AGBL1: variants seen among roughly 807,000 people sequenced by gnomAD.
AGBL1 encodes cytosolic carboxypeptidase 4.
In AGBL1, 130 loss-of-function variants were observed where a neutral mutation model predicts 118.9. The ratio of observed to expected loss-of-function variants is 1.09; its 90% CI spans 0.95 to 1.26. AGBL1 has a LOEUF of 1.26. AGBL1 is among the 50% of genes most tolerant of loss of function. The pLI, the probability that AGBL1 is intolerant of heterozygous loss-of-function variation, is 0.00. For synonymous variants in AGBL1, 555 were observed against 478.9 expected, an observed-to-expected ratio of 1.16 and a Z score of -2.08; for missense variants, 1,584 against 1,298.1, an observed-to-expected ratio of 1.22 and a Z score of -3.38.
At chr15:86,799,851 CA>C (rs1156997685) in intron 22 of AGBL1, among the ~76,000 whole-genome samples, 6 of 152,034 alleles carry the variant, frequency 3.9e-5, no homozygotes, top group Non-Finnish European at 7.4e-5. Context: ...TTGAAGTCAT[CA>C]AAAAGTTCAA....
At chr15:86,431,988 T>A (rs1387422834) in intron 18 of AGBL1, among the ~76,000 whole-genome samples, 1 of 152,128 alleles carries the variant, frequency 6.6e-6, no homozygotes, top group African/African-American at 2.4e-5. Context: ...AGCCCTAGAA[T>A]CCAGGGACTC....
At chr15:87,004,559 C>G (rs1179990569) in intron 24 of AGBL1, among the ~76,000 whole-genome samples, 1 of 152,120 alleles carries the variant, frequency 6.6e-6, no homozygotes, top group East Asian at 1.9e-4. Context: ...TCCTCCATCC[C>G]TTTATTTTGA....
intron 19 of AGBL1, among the ~76,000 whole-genome samples, chr15:86,534,235 A>G (rs1432691031): frequency 6.6e-6 from 1 of 151,518 alleles, no homozygotes; most frequent in Non-Finnish European, 1.5e-5. Context: ...GCACTGTAAC[A>G]AAGGCCCATG....
chr15:86,425,400 G>T (rs940060389), intron 18 of AGBL1, among the ~76,000 whole-genome samples: 3 of 151,828 alleles, frequency 2.0e-5, no homozygotes, highest in Non-Finnish European at 2.9e-5. Context: ...GGGGTGGGGG[G>T]CTAGGGGAGG....
chr15:86,785,932 G>T (rs1295460098), intron 22 of AGBL1, among the ~76,000 whole-genome samples: 1 of 152,120 alleles, frequency 6.6e-6, no homozygotes, highest in East Asian at 1.9e-4. Flanking sequence ...ACTATGACTG[G>T]AGATGGGAAG....
At chr15:86,996,399 T>C (rs1395375583) in intron 24 of AGBL1, among the ~76,000 whole-genome samples, 1 of 152,194 alleles carries the variant, frequency 6.6e-6, no homozygotes, top group Non-Finnish European at 1.5e-5. Context: ...GCACTTTATG[T>C]AAGCAGGATT....
At chr15:86,776,512 C>A (rs1378806133) in intron 22 of AGBL1, among the ~76,000 whole-genome samples, 2 of 150,036 alleles carry the variant, frequency 1.3e-5, no homozygotes, top group Non-Finnish European at 3.0e-5. Flanking sequence ...TCTTTCTGTT[C>A]TTTTTTTTCT....
In AGBL1 at chr15:86,776,189, A is replaced by T. The variant is rs144635337; in HGVS notation, c.3158+101753A>T. ...TCTAATGGCTGTATATGCTCATTGC[A>T]TAGATGATCACAGTTTACAGATCCA... On this transcript the variant is annotated intron_variant, in intron 22 of 22. Transcript: ENST00000614907. 5.3e-5 allele frequency among the ~76,000 whole-genome samples: 8 copies of T among 152,278 alleles called. No homozygotes were observed. The East Asian group carries it at 1.4e-3, about 26-fold the overall frequency.
At chr15:86,985,922 C>CTTT (rs57966049) in intron 23 of AGBL1, among the ~76,000 whole-genome samples, 2 of 149,838 alleles carry the variant, frequency 1.3e-5, no homozygotes, top group Non-Finnish European at 1.5e-5. Context: ...GGATAGCAAT[C>CTTT]TTTTTTTTTT....
At chr15:86,175,444 T>G (rs1276863854) in intron 5 of AGBL1, among the ~76,000 whole-genome samples, 1 of 151,970 alleles carries the variant, frequency 6.6e-6, no homozygotes, top group African/African-American at 2.4e-5. Context: ...TTTTATTTAT[T>G]TTTTAAAAAC....
chr15:86,421,875 G>A (rs553569221), intron 18 of AGBL1, among the ~76,000 whole-genome samples: 27 of 152,274 alleles, frequency 1.8e-4, no homozygotes, highest in Admixed American at 4.6e-4. Flanking sequence ...TAATGGGAAA[G>A]GGATCAATGC....
intron 5 of AGBL1, among the ~76,000 whole-genome samples, chr15:86,214,160 C>T (rs1300754273): frequency 6.6e-6 from 1 of 152,216 alleles, no homozygotes; most frequent in African/African-American, 2.4e-5. Context: ...TCAATGTGCT[C>T]TTTAACTGGA....
chr15:86,120,923 G>A (rs925105974), intron 1 of AGBL1, among the ~76,000 whole-genome samples: 2 of 149,322 alleles, frequency 1.3e-5, no homozygotes, highest in African/African-American at 5.0e-5. Context: ...TTAAGATGGA[G>A]TCCCGCTCTG....
At chr15:86,338,964 G>A (rs1441068838) in intron 17 of AGBL1, among the ~76,000 whole-genome samples, 2 of 152,120 alleles carry the variant, frequency 1.3e-5, no homozygotes, top group African/African-American at 4.8e-5. Context: ...GGTTACAAGT[G>A]TTCCTATTTT....
intron 19 of AGBL1, among the ~76,000 whole-genome samples, chr15:86,528,367 G>C (rs1267100135): frequency 6.6e-6 from 1 of 152,214 alleles, no homozygotes; most frequent in Non-Finnish European, 1.5e-5. Flanking sequence ...GGAAAATCAG[G>C]TCACTCCCAC....
Position 86,875,520 on chromosome 15 carries a change from G to A in AGBL1, c.3159-31567G>A, listed in dbSNP as rs544502047. Among the ~76,000 whole-genome samples, 7 of 152,308 alleles carry A rather than the reference G, an allele frequency of 4.6e-5. No homozygotes were observed. The South Asian group carries it at 8.3e-4, about 18-fold the overall frequency. Reference sequence around the variant, plus strand: ...TCTCTTCAGTGTCTGACTTGCATCTGTTCAAGTAGGTCTGTTTTATTAATG... The same window carrying A: ...TCTCTTCAGTGTCTGACTTGCATCTATTCAAGTAGGTCTGTTTTATTAATG... On this transcript the variant is annotated intron_variant, in intron 22 of 22. Transcript: ENST00000614907.
Position 86,832,517 on chromosome 15 carries a change from C to T in AGBL1, c.3159-74570C>T, listed in dbSNP as rs112946893. On this transcript the variant is annotated intron_variant, in intron 22 of 22. Coordinates refer to ENST00000614907, the MANE Select transcript of AGBL1 (RefSeq NM_001386094.1). ...CCACCAGATGCCCTAAATCATCTCT[C>T]TCAAGTTCAAAGTTTGACAGATTTC... 8.0e-3 allele frequency among the ~76,000 whole-genome samples: 1,223 copies of T among 152,304 alleles called. 20 individuals carry two copies. Among genetic ancestry groups the T allele is most frequent in the African/African-American group, 0.028 (1,172 of 41,564 alleles).
chr15:86,960,517 C>G (rs1343970556), intron 23 of AGBL1, among the ~76,000 whole-genome samples: 1 of 151,712 alleles, frequency 6.6e-6, no homozygotes, highest in Non-Finnish European at 1.5e-5. Flanking sequence ...AAAACAGGAC[C>G]CTTATATATT....
chr15:86,471,504 T>TC, intron 18 of AGBL1, among the ~76,000 whole-genome samples: 1 of 151,980 alleles, frequency 6.6e-6, no homozygotes, highest in Middle Eastern at 3.4e-3. Flanking sequence ...TATAGTTTTT[T>TC]TTTTTTTTTT....
Sources: allele counts gnomAD v4.1 joint callset (sites outside exome capture counted in the v4.1 genomes callset), GRCh38; gene constraint gnomAD v4.1.1; transcripts MANE v1.5; gene names NCBI Gene and HGNC (gene_info 2026-07-23, HGNC 2026-07-21).